CSMD1: variants seen among roughly 807,000 people sequenced by gnomAD.
CSMD1 encodes the protein CUB and Sushi multiple domains 1, also known as CUB and sushi domain-containing protein 1.
A neutral mutation model predicts 417.5 loss-of-function variants in CSMD1; 213 were observed. The ratio of observed to expected loss-of-function variants is 0.51; its 90% CI spans 0.46 to 0.57. The LOEUF (loss-of-function observed/expected upper bound fraction) is 0.57. Ranked by LOEUF, CSMD1 falls within the 20% of genes least tolerant of loss-of-function variation. CSMD1 has a pLI of 0.00. For synonymous variants in CSMD1, 2,862 were observed against 1,736.8 expected, an observed-to-expected ratio of 1.65 and a Z score of -16.11; for missense variants, 6,923 against 4,529.7, an observed-to-expected ratio of 1.53 and a Z score of -15.17.
At chr8:3,114,825 C>G (rs527330909) in intron 42 of CSMD1, among the ~76,000 whole-genome samples, 2 of 152,090 alleles carry the variant, frequency 1.3e-5, no homozygotes, top group Non-Finnish European at 2.9e-5. Flanking sequence ...TAGCTGCTTG[C>G]ATTTCTCATG....
At chr8:3,788,858 T>C (rs887070777) in intron 5 of CSMD1, among the ~76,000 whole-genome samples, 2 of 152,182 alleles carry the variant, frequency 1.3e-5, no homozygotes, top group African/African-American at 4.8e-5. Context: ...GGGTAGAAAT[T>C]ATGATCTCGC....
chr8:2,962,695 C>A, intron 60 of CSMD1, 56 bp from the exon 61 acceptor site: 1 of 1,535,630 alleles, frequency 6.5e-7, no homozygotes, highest in Non-Finnish European at 8.9e-7. Context: ...TCAGCTTCAC[C>A]AATTGAGCTT....
intron 48 of CSMD1, among the ~76,000 whole-genome samples, chr8:3,091,161 A>C (rs1027963299): frequency 2.0e-5 from 3 of 152,086 alleles, no homozygotes; most frequent in Non-Finnish European, 4.4e-5. Context: ...TCACTTATGC[A>C]ATTAATAGAA....
chr8:3,164,732 C>A (rs986653117), intron 37 of CSMD1, among the ~76,000 whole-genome samples: 1 of 152,056 alleles, frequency 6.6e-6, no homozygotes, highest in Non-Finnish European at 1.5e-5. Context: ...CCAGGTGACA[C>A]AGAACGAAGA....
At chr8:4,419,673 G>C (rs1250691868) in intron 3 of CSMD1, among the ~76,000 whole-genome samples, 1 of 152,232 alleles carries the variant, frequency 6.6e-6, no homozygotes, top group Admixed American at 6.6e-5. Context: ...TTAGTTTATA[G>C]TCAAATTTCT....
At chr8:4,565,766 ATATATATATATATATATAT>A (rs987321000) in intron 2 of CSMD1, among the ~76,000 whole-genome samples, 1 of 14,054 alleles carries the variant, frequency 7.1e-5, no homozygotes, top group Non-Finnish European at 2.4e-4. Context: ...ATATATATAT[ATATATATATATATATATAT>A]ATATATATAT....
At chr8:3,660,648 G>C (rs1263793375) in intron 7 of CSMD1, among the ~76,000 whole-genome samples, 1 of 151,478 alleles carries the variant, frequency 6.6e-6, no homozygotes, top group East Asian at 1.9e-4. Flanking sequence ...AGCCTCCTGA[G>C]TAGCTGGGAT....
At chr8:4,046,253 A>G (rs1019441836) in intron 3 of CSMD1, among the ~76,000 whole-genome samples, 1 of 152,134 alleles carries the variant, frequency 6.6e-6, no homozygotes, top group African/African-American at 2.4e-5. Context: ...ATTATCTTTT[A>G]TTTCTAATTA....
chr8:4,953,395 T>G lies in CSMD1; in HGVS notation c.85+40937A>C, dbSNP rs190938817. Among the ~76,000 whole-genome samples the G allele has an allele frequency of 2.0e-5, 3 of 152,140 alleles. No homozygotes were observed. The East Asian group carries it at 5.8e-4, about 29-fold the overall frequency. On this transcript the variant is annotated intron_variant, in intron 1 of 69. Coordinates refer to ENST00000635120, the MANE Select transcript of CSMD1 (RefSeq NM_033225.6). ...ATGGAAGGACTATGCGATCAACACA[T>G]GTAATCAATATGAAGGACAAATAAA...
intron 7 of CSMD1, among the ~76,000 whole-genome samples, chr8:3,652,401 G>C (rs1008878277): frequency 6.6e-6 from 1 of 152,172 alleles, no homozygotes; most frequent in Non-Finnish European, 1.5e-5. Context: ...CAAATACGTT[G>C]ACTTGTTTGT....
chr8:3,968,518 T>A (rs974300001), intron 5 of CSMD1, among the ~76,000 whole-genome samples: 22 of 150,854 alleles, frequency 1.5e-4, no homozygotes, highest in African/African-American at 4.9e-4. Flanking sequence ...TAAAGCAACA[T>A]ACTGCAAATG....
At chr8:3,926,053 T>TACACACACACACACACACACACCACAC (rs35557551) in intron 5 of CSMD1, among the ~76,000 whole-genome samples, 1 of 87,814 alleles carries the variant, frequency 1.1e-5, no homozygotes. Flanking sequence ...AAACACCATA[T>TACACACACACACACACACACACCACAC]ACACACACAC....
At chr8:4,884,293 G>T (rs917285352) in intron 1 of CSMD1, among the ~76,000 whole-genome samples, 4 of 151,872 alleles carry the variant, frequency 2.6e-5, no homozygotes, top group Middle Eastern at 3.2e-3. Flanking sequence ...CCAGATAGAT[G>T]ATTCGCCCAA....
At chr8:4,918,460 C>G (rs372977048) in intron 1 of CSMD1, among the ~76,000 whole-genome samples, 1 of 152,078 alleles carries the variant, frequency 6.6e-6, no homozygotes, top group South Asian at 2.1e-4. Context: ...CTTCATTACC[C>G]ATTTTCTAAC....
At chr8:4,371,408 T>A (rs1802388422) in intron 3 of CSMD1, among the ~76,000 whole-genome samples, 2 of 152,228 alleles carry the variant, frequency 1.3e-5, no homozygotes, top group Non-Finnish European at 2.9e-5. Flanking sequence ...TTATTCTGTT[T>A]AATTCAAGTA....
At chr8:3,983,049 C>T (rs925131253) in intron 5 of CSMD1, among the ~76,000 whole-genome samples, 2 of 152,070 alleles carry the variant, frequency 1.3e-5, no homozygotes, top group Non-Finnish European at 2.9e-5. Context: ...GGATCCCAAT[C>T]CAAGTTGGCT....
intron 3 of CSMD1, among the ~76,000 whole-genome samples, chr8:4,077,098 C>G (rs920320740): frequency 2.0e-5 from 3 of 151,606 alleles, no homozygotes; most frequent in African/African-American, 7.3e-5. Context: ...ATATTTTAAG[C>G]CCCTACTTCA....
intron 5 of CSMD1, among the ~76,000 whole-genome samples, chr8:3,762,815 C>A (rs759323071): frequency 8.3e-4 from 126 of 152,190 alleles, no homozygotes; most frequent in Non-Finnish European, 1.6e-3. Flanking sequence ...GCCACCCACG[C>A]AGCCGTGTGT....
At chr8:4,610,460 G>A (rs1305933915) in intron 2 of CSMD1, among the ~76,000 whole-genome samples, 1 of 152,108 alleles carries the variant, frequency 6.6e-6, no homozygotes, top group African/African-American at 2.4e-5. Flanking sequence ...GTCTTCTTCA[G>A]GGACAGGCTC....
Sources: gnomAD v4.1 joint callset for allele counts (sites outside exome capture counted in the v4.1 genomes callset) on GRCh38, gnomAD v4.1.1 for gene constraint, MANE v1.5 for transcripts, NCBI Gene and HGNC (gene_info 2026-07-23, HGNC 2026-07-21) for gene names.